Variants in CELA1 observed in about 807,000 individuals in gnomAD.
CELA1 encodes the protein chymotrypsin-like elastase family member 1.
Under a neutral mutation model 34.8 loss-of-function variants are expected in CELA1, and 28 were observed. The observed-to-expected ratio is 0.80, with a 90% CI of 0.60 to 1.10. The LOEUF (loss-of-function observed/expected upper bound fraction) is 1.10, where lower values mean the gene tolerates loss of function less well. Among genes scored for constraint, CELA1 ranks in the 50% least tolerant of loss-of-function variants. The probability of loss-of-function intolerance (pLI) is 0.00; values close to 1 mark genes in which losing one functional copy is unlikely to be tolerated. For missense variants in CELA1, 288 were observed against 327.5 expected (o/e 0.88, Z 0.93); for synonymous variants, 140 against 129.8 (o/e 1.08, Z -0.53).
chr12:51,340,676 C>G (rs1022633361), intron 5 of CELA1, among the ~76,000 whole-genome samples: 9 of 152,074 alleles, frequency 5.9e-5, no homozygotes, highest in African/African-American at 2.2e-4. Flanking sequence ...AGCTAAGGAT[C>G]CTTAATTTCT....
intron 6 of CELA1, among the ~76,000 whole-genome samples, chr12:51,338,529 G>T (rs981613431): frequency 1.3e-5 from 2 of 151,794 alleles, no homozygotes; most frequent in African/African-American, 4.8e-5. Context: ...CTTTTTGCCT[G>T]GCCTATTCCT....
At chr12:51,336,618 C>T (rs1418810468) in intron 6 of CELA1, among the ~76,000 whole-genome samples, 3 of 152,174 alleles carry the variant, frequency 2.0e-5, no homozygotes, top group Non-Finnish European at 4.4e-5. Flanking sequence ...GAGAGGGAGA[C>T]TCCGTCTCAA....
intron 4 of CELA1, among the ~76,000 whole-genome samples, chr12:51,341,760 C>A (rs1233648443): frequency 6.6e-6 from 1 of 150,490 alleles, no homozygotes; most frequent in Non-Finnish European, 1.5e-5. Context: ...ATTCCTTGAA[C>A]CCACCCCCAC....
At chr12:51,343,912 A>C (rs1315508915) in intron 2 of CELA1, 59 bp from the exon 3 acceptor site, 22 of 962,940 alleles carry the variant, frequency 2.3e-5, no homozygotes, top group Non-Finnish European at 3.4e-5. Flanking sequence ...GTTTTGCCCC[A>C]GGTCGGTTGC....
rs17860307 is a variant in CELA1 at position 51,342,428 on chromosome 12, C to T, written c.326+147G>A. 2,862 of 1,157,606 alleles carry T rather than the reference C, an allele frequency of 2.5e-3. 14 individuals carry two copies. The highest frequency in any genetic ancestry group is 2.3e-3 in the Non-Finnish European group (1,871 of 814,820). The allele number at this position is 1,157,606 out of a possible 1,614,324, so 71.7% of individuals were successfully genotyped here. ...CCTTCTCTCAGGCTCAGCTGGGCTCCTTAACTAAAGGCCAGGCCAGGAGCC... is the reference window on the plus strand; with the variant it reads ...CCTTCTCTCAGGCTCAGCTGGGCTCTTTAACTAAAGGCCAGGCCAGGAGCC... On this transcript the variant is annotated intron_variant, in intron 4 of 7. Coordinates refer to ENST00000293636, the MANE Select transcript of CELA1 (RefSeq NM_001971.6).
At chr12:51,332,314 T>C (rs1040730171) in intron 6 of CELA1, among the ~76,000 whole-genome samples, 1 of 152,168 alleles carries the variant, frequency 6.6e-6, no homozygotes, top group African/African-American at 2.4e-5. Flanking sequence ...CAAAATATTT[T>C]GAGAGGTTGA....
chr12:51,337,934 A>ATG (rs1160738463), intron 6 of CELA1, among the ~76,000 whole-genome samples: 356 of 151,220 alleles, frequency 2.4e-3, no homozygotes, highest in African/African-American at 8.3e-3. Flanking sequence ...ATATATATAT[A>ATG]TATGTATATG....
intron 6 of CELA1, 107 bp from the exon 7 acceptor site, chr12:51,329,940 C>G (rs1946460165): frequency 3.8e-6 from 4 of 1,040,886 alleles, no homozygotes; most frequent in Non-Finnish European, 2.7e-6. Context: ...TTTTAAAGCT[C>G]CAATGCAAAT....
chr12:51,342,812 A>T lies in CELA1; in HGVS notation c.201-112T>A, dbSNP rs562815604. 9.2e-4 allele frequency: 910 copies of T among 991,526 alleles called. 1 individual carries two copies. The highest frequency in any genetic ancestry group is 2.5e-3 in the African/African-American group (145 of 57,710). 61.4% of individuals were successfully genotyped at this position (991,526 alleles called of 1,614,324 possible). On this transcript the variant is annotated intron_variant, in intron 3 of 7. Coordinates refer to ENST00000293636, the MANE Select transcript of CELA1 (RefSeq NM_001971.6). ...TTTTTTAATCATTATTATTTAGGAA[A>T]TTTTTTTTTTTTTTTAGAGATGGGG...
At chr12:51,329,195 A>T (rs1449267875) in intron 7 of CELA1, among the ~76,000 whole-genome samples, 1 of 148,792 alleles carries the variant, frequency 6.7e-6, no homozygotes, top group Non-Finnish European at 1.5e-5. Context: ...CAGAGGCTGC[A>T]GTGAGTCGAG....
chr12:51,329,427 T>C (rs1380873650), intron 7 of CELA1, among the ~76,000 whole-genome samples: 2 of 152,100 alleles, frequency 1.3e-5, no homozygotes, highest in Non-Finnish European at 2.9e-5. Flanking sequence ...GATTCAGATT[T>C]GATGTTGCCA....
At chr12:51,345,125 CAA>C (rs34904841) in intron 2 of CELA1, among the ~76,000 whole-genome samples, 2,535 of 147,140 alleles carry the variant, frequency 0.017, 72 homozygotes, top group East Asian at 0.14. Context: ...AACTCCATCT[CAA>C]AAAAAAAAAA....
At chr12:51,334,507 C>T (rs1291868143) in intron 6 of CELA1, among the ~76,000 whole-genome samples, 1 of 152,096 alleles carries the variant, frequency 6.6e-6, no homozygotes, top group Admixed American at 6.5e-5. Context: ...GATTTCAGCT[C>T]ACTGCAAGCT....
At chr12:51,337,468 T>C (rs1331440906) in intron 6 of CELA1, among the ~76,000 whole-genome samples, 1 of 134,178 alleles carries the variant, frequency 7.5e-6, no homozygotes, top group Non-Finnish European at 1.5e-5. Context: ...GCCCAGGAAG[T>C]TGAGGCTGCA....
At chr12:51,331,173 T>C (rs1033128074) in intron 6 of CELA1, among the ~76,000 whole-genome samples, 8 of 151,332 alleles carry the variant, frequency 5.3e-5, no homozygotes, top group Non-Finnish European at 7.4e-5. Context: ...GCGGATCACC[T>C]GAGGTCAGGA....
intron 6 of CELA1, among the ~76,000 whole-genome samples, chr12:51,330,969 CAA>C (rs201798953): frequency 1.3e-4 from 10 of 79,454 alleles, no homozygotes; most frequent in East Asian, 3.5e-4. Context: ...GACTCTGTCT[CAA>C]AAAAAAAAAA....
Position 51,329,808 on chromosome 12 carries a change from C to G in CELA1, c.635G>C (p.Cys212Ser), listed in dbSNP as rs773443280. The G allele has an allele frequency of 6.9e-6, 11 of 1,603,186 alleles. No homozygotes were observed. The highest frequency in any genetic ancestry group is 8.5e-6 in the Non-Finnish European group (10 of 1,173,278). The change falls in exon 7 of 8, where the codon TGC becomes TCC. Residue 212 changes from cysteine to serine, a missense_variant. Cys to Ser is a moderately radical substitution (Grantham distance 112). Coordinates refer to ENST00000293636, the MANE Select transcript of CELA1 (RefSeq NM_001971.6). The stretch of plus-strand genomic sequence containing the variant: ...GACAGAATACTTGCCATTCACCAAG[C>G]AATGGAGGGGGCCCCCAGAGTCACC... ...CQGDSGGPLH[C>S]LVNGKYSVHG...
intron 2 of CELA1, among the ~76,000 whole-genome samples, chr12:51,344,956 C>T (rs1398413103): frequency 6.6e-6 from 1 of 151,924 alleles, no homozygotes; most frequent in Non-Finnish European, 1.5e-5. Context: ...GAAACCCCGT[C>T]TCTACTAAAA....
In CELA1 at chr12:51,332,655, A is replaced by G. The variant is rs536112125; in HGVS notation, c.610-2822T>C. 8.5e-4 allele frequency among the ~76,000 whole-genome samples: 130 copies of G among 152,200 alleles called. 1 individual carries two copies. The highest frequency in any genetic ancestry group is 3.0e-3 in the African/African-American group (124 of 41,534). On this transcript the variant is annotated intron_variant, in intron 6 of 7. Transcript: ENST00000293636. ...CGAGGTGGGTGGATCACGTGACGCC[A>G]GGAGTTTGAGACCAGCCTGGCCAAC...
Sources: allele counts gnomAD v4.1 joint callset (sites outside exome capture counted in the v4.1 genomes callset), GRCh38; gene constraint gnomAD v4.1.1; transcripts MANE v1.5; gene names NCBI Gene and HGNC (gene_info 2026-07-23, HGNC 2026-07-21).